The following ACSL3 variants were observed in gnomAD, a reference collection of about 807,000 sequenced individuals.
ACSL3 encodes the protein acyl-CoA synthetase long chain family member 3, also known as fatty acid CoA ligase Acsl3.
A neutral mutation model predicts 84.7 loss-of-function variants in ACSL3; 34 were observed. That is an observed-to-expected ratio of 0.40 (90% confidence interval 0.31 to 0.53). The LOEUF (loss-of-function observed/expected upper bound fraction) is 0.53. ACSL3 is among the 20% of genes least tolerant of loss of function. The pLI is 0.48. For synonymous variants in ACSL3, 315 were observed against 299.4 expected (o/e 1.05, Z -0.54); for missense variants, 680 against 873.1 (o/e 0.78, Z 2.79).
intron 1 of ACSL3, among the ~76,000 whole-genome samples, chr2:222,875,634 T>G (rs1006464693): frequency 4.6e-5 from 7 of 152,218 alleles, no homozygotes; most frequent in African/African-American, 1.7e-4. Flanking sequence ...TGGTGAGGCT[T>G]CTTTCCTCTT....
intron 1 of ACSL3, among the ~76,000 whole-genome samples, chr2:222,886,826 C>T (rs899583003): frequency 2.0e-5 from 3 of 151,778 alleles, no homozygotes; most frequent in South Asian, 4.2e-4. Context: ...TCTCATATAC[C>T]CCTTCCCCTA....
Position 222,908,738 on chromosome 2 carries a change from C to G in ACSL3, c.-35C>G, listed in dbSNP as rs748620640. On this transcript the variant is annotated 5_prime_UTR_variant, in exon 4 of 17. Coordinates refer to ENST00000357430, the MANE Select transcript of ACSL3 (RefSeq NM_004457.5). ...TTTCTTTTTCTTCCTCCTAGATTCT[C>G]GCTGAAGTCTGTTAATTCTACTTTT... 1.3e-6 allele frequency: 2 copies of G among 1,543,138 alleles called. No homozygotes were observed. The highest frequency in any genetic ancestry group is 2.5e-5 in the South Asian group (2 of 79,438).
intron 7 of ACSL3, 128 bp downstream of exon 7, chr2:222,919,330 C>A: frequency 9.3e-7 from 1 of 1,077,564 alleles, no homozygotes; most frequent in Non-Finnish European, 1.3e-6. Flanking sequence ...GTTAGGAAAA[C>A]AGGTCCCTCT....
At chr2:222,906,573 G>C (rs535662398) in intron 3 of ACSL3, among the ~76,000 whole-genome samples, 5 of 151,620 alleles carry the variant, frequency 3.3e-5, no homozygotes, top group African/African-American at 1.2e-4. Context: ...TTCTACAGTA[G>C]TTGGTTAGTC....
chr2:222,904,280 A>T (rs1165915017), intron 3 of ACSL3, among the ~76,000 whole-genome samples: 2 of 45,232 alleles, frequency 4.4e-5, no homozygotes, highest in Non-Finnish European at 7.2e-5. Flanking sequence ...TCAAAAAACA[A>T]AACAAAACAA....
intron 1 of ACSL3, among the ~76,000 whole-genome samples, chr2:222,882,941 G>A (rs1695627500): frequency 6.7e-6 from 1 of 148,594 alleles, no homozygotes. Flanking sequence ...CTAATTTTTG[G>A]TATTTTTAGT....
Position 222,943,608 on chromosome 2 carries a change from GTTTTCTCATATGAAGTTTATAA to G in ACSL3, c.*1957_*1978del, listed in dbSNP as rs1373780868. On this transcript the variant is annotated 3_prime_UTR_variant, in exon 17 of 17. Transcript: ENST00000357430. Reference sequence around the variant, plus strand: ...GCTTAAACTCTATTTAGTTTCGTTTGTTTTCTCATATGAAGTTTATAATTCCTTTCAGTCCTAAAATGTCAGA... The same window carrying G: ...GCTTAAACTCTATTTAGTTTCGTTTGTTCCTTTCAGTCCTAAAATGTCAGA... 6.5e-6 allele frequency: 1 copy of G among 153,086 alleles called. No homozygotes were observed. The highest frequency in any genetic ancestry group is 1.5e-5 in the Non-Finnish European group (1 of 68,590). 9.5% of individuals were successfully genotyped at this position (153,086 alleles called of 1,614,324 possible). A position where few individuals can be genotyped will look rare whatever the true frequency, so the allele number is the denominator to read the frequency against.
At chr2:222,926,864 G>A (rs1696887930) in intron 11 of ACSL3, among the ~76,000 whole-genome samples, 153 bp from the exon 12 acceptor site, 1 of 152,070 alleles carries the variant, frequency 6.6e-6, no homozygotes, top group Non-Finnish European at 1.5e-5. Flanking sequence ...ATTAACATTT[G>A]GGGCTCAAGA....
intron 1 of ACSL3, among the ~76,000 whole-genome samples, chr2:222,865,904 C>G (rs1246172328): frequency 6.6e-6 from 1 of 152,128 alleles, no homozygotes. Flanking sequence ...GCTTATCTTA[C>G]TATCCTCATG....
At chr2:222,914,989 A>C (rs1231293728) in intron 4 of ACSL3, among the ~76,000 whole-genome samples, 1 of 152,268 alleles carries the variant, frequency 6.6e-6, no homozygotes, top group Non-Finnish European at 1.5e-5. Flanking sequence ...ATGAGTTTAC[A>C]TATTTAGATT....
At chr2:222,863,493 C>G (rs573254085) in intron 1 of ACSL3, among the ~76,000 whole-genome samples, 1 of 152,294 alleles carries the variant, frequency 6.6e-6, no homozygotes, top group Non-Finnish European at 1.5e-5. Flanking sequence ...TTCTGTCTGC[C>G]TTCAGGGTAC....
intron 2 of ACSL3, among the ~76,000 whole-genome samples, chr2:222,893,920 C>G (rs964850806): frequency 2.0e-5 from 3 of 152,228 alleles, no homozygotes; most frequent in Middle Eastern, 6.8e-3. Flanking sequence ...CAACCTCAAC[C>G]TCTGGGCTGG....
intron 4 of ACSL3, among the ~76,000 whole-genome samples, chr2:222,911,620 T>G (rs986617812): frequency 1.3e-5 from 2 of 152,226 alleles, no homozygotes; most frequent in Non-Finnish European, 2.9e-5. Context: ...ATGTGGCTAG[T>G]ATTGTCTTTC....
chr2:222,887,622 A>G lies in ACSL3; in HGVS notation c.-206-208A>G, dbSNP rs1695754451. 2.0e-5 allele frequency among the ~76,000 whole-genome samples: 3 copies of G among 152,136 alleles called. No individual in the cohort carries two copies. The South Asian group carries it at 6.2e-4, about 32-fold the overall frequency. On this transcript the variant is annotated intron_variant, in intron 1 of 16. Coordinates refer to ENST00000357430, the MANE Select transcript of ACSL3 (RefSeq NM_004457.5). Reference sequence around the variant, plus strand: ...GTTTTGGGCATTCTTACTGGTGTGTAGTGTGTGTACTATATGTTTTTGAAG... The same window carrying G: ...GTTTTGGGCATTCTTACTGGTGTGTGGTGTGTGTACTATATGTTTTTGAAG...
intron 1 of ACSL3, among the ~76,000 whole-genome samples, chr2:222,884,552 A>G (rs984912614): frequency 3.3e-5 from 5 of 152,138 alleles, no homozygotes; most frequent in African/African-American, 9.7e-5. Context: ...TATCAGTCCA[A>G]TCTTTCAGGC....
At chr2:222,868,104 C>T (rs946951718) in intron 1 of ACSL3, among the ~76,000 whole-genome samples, 7 of 151,936 alleles carry the variant, frequency 4.6e-5, no homozygotes, top group African/African-American at 1.7e-4. Flanking sequence ...TGTACCCTTT[C>T]TCTTGGGAAA....
At chr2:222,925,224 T>C (rs1696848117) in intron 11 of ACSL3, among the ~76,000 whole-genome samples, 1 of 150,990 alleles carries the variant, frequency 6.6e-6, no homozygotes, top group Non-Finnish European at 1.5e-5. Flanking sequence ...TAGTCTCAGC[T>C]GTTAGGGAGG....
chr2:222,898,122 C>T (rs962262256), intron 2 of ACSL3, among the ~76,000 whole-genome samples: 1 of 152,166 alleles, frequency 6.6e-6, no homozygotes, highest in Non-Finnish European at 1.5e-5. Context: ...TCTTTTATTT[C>T]CTCTTTTTTG....
chr2:222,879,431 A>T (rs1695535517), intron 1 of ACSL3, among the ~76,000 whole-genome samples: 1 of 152,212 alleles, frequency 6.6e-6, no homozygotes, highest in South Asian at 2.1e-4. Flanking sequence ...CCTGTGTTCC[A>T]GCGATCTCAG....
Sources: gnomAD v4.1 joint callset for allele counts (sites outside exome capture counted in the v4.1 genomes callset) on GRCh38, gnomAD v4.1.1 for gene constraint, MANE v1.5 for transcripts, NCBI Gene and HGNC (gene_info 2026-07-23, HGNC 2026-07-21) for gene names.